ABLIM2: variants seen among roughly 807,000 people sequenced by gnomAD.
ABLIM2 encodes actin binding LIM protein family member 2.
A neutral mutation model predicts 97.7 loss-of-function variants in ABLIM2; 53 were observed. The observed-to-expected ratio is 0.54, with a 90% confidence interval of 0.44 to 0.68. The LOEUF is 0.68. Ranked by LOEUF, ABLIM2 falls within the 30% of genes least tolerant of loss-of-function variation. The pLI is 0.00. For synonymous variants in ABLIM2, 361 were observed against 345.8 expected (o/e 1.04, Z -0.49); for missense variants, 835 against 867.2 (o/e 0.96, Z 0.47).
intron 1 of ABLIM2, among the ~76,000 whole-genome samples, chr4:8,133,812 G>A (rs1849778047): frequency 6.6e-6 from 1 of 152,200 alleles, no homozygotes; most frequent in African/African-American, 2.4e-5. Flanking sequence ...GGCCACCATG[G>A]AAACAACCCA....
chr4:8,085,213 G>A lies in ABLIM2; in HGVS notation c.454+2956C>T, dbSNP rs1174005785. The stretch of plus-strand genomic sequence containing the variant: ...AGCCAGCCACTCTCCCCTCCCCAGG[G>A]AGGGGCAGCCACACAGGCAGCCATG... On this transcript the variant is annotated intron_variant, in intron 4 of 20. Transcript: ENST00000447017. This position sits in a 1 kb window ranked among gnomAD's most constrained non-coding sequence, Gnocchi z 6.1. Among the ~76,000 whole-genome samples, 2 of 152,028 alleles carry A rather than the reference G, an allele frequency of 1.3e-5. No individual in the cohort carries two copies. The highest frequency in any genetic ancestry group is 2.9e-5 in the Non-Finnish European group (2 of 67,988).
At chr4:8,146,012 G>A (rs944778798) in intron 1 of ABLIM2, among the ~76,000 whole-genome samples, 2 of 152,146 alleles carry the variant, frequency 1.3e-5, no homozygotes, top group Admixed American at 6.5e-5. Flanking sequence ...GAACAGCAAA[G>A]CATTAGGAAC....
At chr4:8,141,040 C>T (rs1850902427) in intron 1 of ABLIM2, among the ~76,000 whole-genome samples, 1 of 152,084 alleles carries the variant, frequency 6.6e-6, no homozygotes, top group Non-Finnish European at 1.5e-5. Context: ...CCCTGAGCTG[C>T]CCTTGCCTTA....
chr4:8,129,921 C>G (rs1237810134), intron 1 of ABLIM2, among the ~76,000 whole-genome samples: 1 of 152,244 alleles, frequency 6.6e-6, no homozygotes, highest in Non-Finnish European at 1.5e-5. Context: ...CTCAGAGACA[C>G]TGGGGAGCCA....
chr4:7,984,807 C>A lies in ABLIM2; in HGVS notation c.1735+32G>T, dbSNP rs986499226. On this transcript the variant is annotated intron_variant, in intron 18 of 20. Transcript: ENST00000447017. The stretch of plus-strand genomic sequence containing the variant: ...AATGTGTTAGCGACCCCTGCCCCAG[C>A]CAGAGACCCACAGGGTCCCCGCTCT... 6 of 1,564,072 alleles carry A rather than the reference C, an allele frequency of 3.8e-6. No individual in the cohort carries two copies. The African/African-American group carries it at 4.1e-5, about 11-fold the overall frequency.
Position 8,123,085 on chromosome 4 carries a change from C to T in ABLIM2, c.11-16448G>A, listed in dbSNP as rs1846201829. Among the ~76,000 whole-genome samples the T allele has an allele frequency of 6.6e-6, 1 of 152,204 alleles. No homozygotes were observed. The highest frequency in any genetic ancestry group is 2.4e-5 in the African/African-American group (1 of 41,458). On this transcript the variant is annotated intron_variant, in intron 1 of 20. Transcript: ENST00000447017. This position sits in a 1 kb window ranked among gnomAD's most constrained non-coding sequence, Gnocchi z 6.2. ...CAGTCCCCTGTGCGTGGTTAATGCC[C>T]TCAAAGCCCAGCACTGTGTCCCAGC...
chr4:8,091,337 TATAATA>T (rs1490807358), intron 3 of ABLIM2, among the ~76,000 whole-genome samples: 4 of 26,904 alleles, frequency 1.5e-4, no homozygotes, highest in East Asian at 8.7e-4. Context: ...ATATTATATA[TATAATA>T]TATATATAAT....
At position 8,106,610 on chromosome 4, in the gene ABLIM2, G is replaced by C. The variant is rs371949822; in HGVS notation, c.38C>G (p.Pro13Arg). 129 of 1,611,858 alleles carry C rather than the reference G, an allele frequency of 8.0e-5. No homozygotes were observed. The highest frequency in any genetic ancestry group is 1.1e-4 in the Non-Finnish European group (128 of 1,179,116). The change falls in exon 2 of 21, where the codon CCG becomes CGG. Residue 13 changes from proline (P) to arginine (R), a missense_variant. Pro to Arg is a moderately radical substitution (Grantham distance 103). Coordinates refer to ENST00000447017, the MANE Select transcript of ABLIM2 (RefSeq NM_001130083.2). ...AVSQPQAAPSPLEKSPSTAIL... is the reference protein window; with the variant it reads ...AVSQPQAAPSRLEKSPSTAIL... ...CGCCGTGCTGGGCGACTTCTCCAGC[G>C]GGCTGGGAGCAGCCTGGGGCTGCGA...
intron 10 of ABLIM2, among the ~76,000 whole-genome samples, chr4:8,035,547 T>C (rs1421262268): frequency 6.6e-6 from 1 of 152,206 alleles, no homozygotes; most frequent in Non-Finnish European, 1.5e-5. Context: ...TGCGGTCATG[T>C]TGAAACCTCA....
At chr4:8,136,046 A>T (rs901995503) in intron 1 of ABLIM2, among the ~76,000 whole-genome samples, 11 of 152,232 alleles carry the variant, frequency 7.2e-5, no homozygotes, top group South Asian at 2.1e-4. Context: ...CAAGCATTGG[A>T]GACGATCCTT....
chr4:8,127,673 A>G lies in ABLIM2; in HGVS notation c.11-21036T>C, dbSNP rs1178165305. 6.3e-6 allele frequency: 8 copies of G among 1,272,076 alleles called. No individual in the cohort carries two copies. Among genetic ancestry groups the G allele is most frequent in the Admixed American group, 4.7e-5 (2 of 42,840 alleles). 78.8% of individuals were successfully genotyped at this position (1,272,076 alleles called of 1,614,324 possible). A position where few individuals can be genotyped will look rare whatever the true frequency, so the allele number is the denominator to read the frequency against. ...ATCGGGCAGGAGTGGACCGGGGAAG[A>G]GCCTCTGTGGCCCACAGGGCTCCCA... On this transcript the variant is annotated intron_variant, in intron 1 of 20. Transcript: ENST00000447017. This position sits in a 1 kb window ranked among gnomAD's most constrained non-coding sequence, Gnocchi z 7.3.
At chr4:8,031,027 C>T (rs1365805990) in intron 10 of ABLIM2, among the ~76,000 whole-genome samples, 2 of 152,240 alleles carry the variant, frequency 1.3e-5, no homozygotes, top group Admixed American at 6.5e-5. Flanking sequence ...ACGGAAGGGG[C>T]TCTGCAGAAG....
chr4:8,126,260 C>T (rs1847860810), intron 1 of ABLIM2, among the ~76,000 whole-genome samples: 1 of 152,132 alleles, frequency 6.6e-6, no homozygotes, highest in African/African-American at 2.4e-5. Context: ...TCTGGCTGCC[C>T]AGAGATGAGG....
intron 14 of ABLIM2, chr4:8,010,331 A>G: frequency 1.0e-6 from 1 of 977,372 alleles, no homozygotes; most frequent in Non-Finnish European, 1.2e-6. Flanking sequence ...AGAAACACTG[A>G]CCCCATGCAC....
At chr4:8,024,040 A>C (rs1159938125) in intron 12 of ABLIM2, among the ~76,000 whole-genome samples, 1 of 152,178 alleles carries the variant, frequency 6.6e-6, no homozygotes, top group Non-Finnish European at 1.5e-5. Flanking sequence ...ACGATGCTTC[A>C]GTTATGAGGA....
rs752875125 is a variant in ABLIM2 at position 8,033,221 on chromosome 4, G to A, written c.1047+2928C>T. Among the ~76,000 whole-genome samples, 25 of 152,226 alleles carry A rather than the reference G, an allele frequency of 1.6e-4. No individual in the cohort carries two copies. Among genetic ancestry groups the A allele is most frequent in the Admixed American group, 3.3e-4 (5 of 15,284 alleles). ...CACCTGCACATATGTTCAGTGAGGA[G>A]CATGGAGGTGGGAGGGGCCCAGAAA... On this transcript the variant is annotated intron_variant, in intron 10 of 20. Transcript: ENST00000447017. The surrounding 1 kb of genome is among the most constrained non-coding windows in gnomAD (Gnocchi z 4.5).
intron 7 of ABLIM2, among the ~76,000 whole-genome samples, chr4:8,059,672 C>G (rs112072808): frequency 6.6e-6 from 1 of 152,020 alleles, no homozygotes; most frequent in African/African-American, 2.4e-5. Flanking sequence ...GAGGCCGAGG[C>G]GGGCAGATTG....
intron 1 of ABLIM2, among the ~76,000 whole-genome samples, chr4:8,157,602 C>T (rs539395460): frequency 6.6e-6 from 1 of 152,352 alleles, no homozygotes; most frequent in East Asian, 1.9e-4. Flanking sequence ...CCTTCTAGGC[C>T]TACAGCCCAC....
At chr4:8,036,054 C>G (rs1784280674) in intron 10 of ABLIM2, 95 bp downstream of exon 10, 4 of 1,452,586 alleles carry the variant, frequency 2.8e-6, no homozygotes, top group Non-Finnish European at 3.7e-6. Flanking sequence ...GGAAGTGGCT[C>G]TGGCCCCATA....
Sources: allele counts gnomAD v4.1 joint callset (sites outside exome capture counted in the v4.1 genomes callset), GRCh38; gene constraint gnomAD v4.1.1; non-coding constraint Gnocchi (gnomAD v3.1); transcripts MANE v1.5; gene names NCBI Gene and HGNC (gene_info 2026-07-23, HGNC 2026-07-21).